CCDC141: variants seen among roughly 807,000 people sequenced by gnomAD.
The protein encoded by CCDC141 is coiled-coil domain-containing protein 141.
A neutral mutation model predicts 181.0 loss-of-function variants in CCDC141; 168 were observed. The ratio of observed to expected loss-of-function variants is 0.93; its 90% CI spans 0.82 to 1.05. The LOEUF (loss-of-function observed/expected upper bound fraction) is 1.05, where lower values mean the gene tolerates loss of function less well. Ranked by LOEUF, CCDC141 falls within the 50% of genes least tolerant of loss-of-function variation. The probability of loss-of-function intolerance (pLI) is 0.00; values close to 1 mark genes in which losing one functional copy is unlikely to be tolerated. For synonymous variants in CCDC141, 666 were observed against 642.3 expected, an observed-to-expected ratio of 1.04 and a Z score of -0.56; for missense variants, 1,902 against 1,788.5, an observed-to-expected ratio of 1.06 and a Z score of -1.14.
intron 6 of CCDC141, among the ~76,000 whole-genome samples, chr2:178,938,778 C>T (rs922386673): frequency 4.6e-5 from 7 of 151,880 alleles, no homozygotes; most frequent in South Asian, 4.2e-4. Flanking sequence ...AAGTGGGGCT[C>T]GCAGGGATGT....
chr2:178,945,702 T>C (rs1689699507), intron 5 of CCDC141, among the ~76,000 whole-genome samples: 1 of 152,176 alleles, frequency 6.6e-6, no homozygotes, highest in African/African-American at 2.4e-5. Context: ...CCTGATACTA[T>C]GTCTTTCCCC....
intron 6 of CCDC141, among the ~76,000 whole-genome samples, chr2:178,928,430 G>A (rs1688986400): frequency 6.6e-6 from 1 of 152,126 alleles, no homozygotes; most frequent in Non-Finnish European, 1.5e-5. Context: ...GTCCTCTCAG[G>A]TGTTCACTTA....
intron 11 of CCDC141, among the ~76,000 whole-genome samples, chr2:178,881,309 T>C (rs1409313922): frequency 1.3e-5 from 2 of 152,174 alleles, no homozygotes; most frequent in Non-Finnish European, 2.9e-5. Context: ...CTGGGGATGA[T>C]GGACATATAC....
rs769278075 is a variant in CCDC141, at chr2:178,834,302, G to T, written c.4464C>A (p.Gly1488=). Residue 1488 remains glycine, a synonymous_variant, in exon 24 of 24, where the codon GGC becomes GGA. Coordinates refer to ENST00000443758, the MANE Select transcript of CCDC141 (RefSeq NM_173648.4). ...LYVARAQNSS[G]ALSSNVILHV... ...GGAGGATGACATTGGAAGAGAGAGC[G>T]CCGCTAGAGTTTTGGGCCCGAGCCA... 1 of 1,535,926 alleles carries T rather than the reference G, an allele frequency of 6.5e-7. No homozygotes were observed. The highest frequency in any genetic ancestry group is 8.7e-7 in the Non-Finnish European group (1 of 1,146,848).
chr2:178,845,770 A>G (rs928408081), intron 21 of CCDC141, 28 bp from the exon 22 acceptor site: 9 of 1,370,726 alleles, frequency 6.6e-6, no homozygotes, highest in Non-Finnish European at 9.4e-6. Context: ...TAGTGAGAGC[A>G]TGAGCCAGGA....
At chr2:178,977,106 A>G (rs577679024) in intron 3 of CCDC141, among the ~76,000 whole-genome samples, 147 of 152,308 alleles carry the variant, frequency 9.7e-4, no homozygotes, top group Non-Finnish European at 1.6e-3. Context: ...ACAAAATTGG[A>G]AACAGGATAA....
intron 6 of CCDC141, among the ~76,000 whole-genome samples, chr2:178,938,613 T>C (rs894925123): frequency 2.6e-5 from 4 of 152,160 alleles, no homozygotes; most frequent in African/African-American, 9.7e-5. Flanking sequence ...ATATATCCAT[T>C]TGGTCCAATG....
At chr2:178,835,744 C>A (rs553349473) in intron 23 of CCDC141, 3 of 152,304 alleles carry the variant, frequency 2.0e-5, no homozygotes, top group Non-Finnish European at 4.4e-5. Flanking sequence ...ACAAGAAACA[C>A]ATCTGACAAC....
chr2:178,820,479 A>G, the CCDC141 span, among the ~76,000 whole-genome samples: 1 of 152,350 alleles, frequency 6.6e-6, no homozygotes, highest in East Asian at 1.9e-4. Flanking sequence ...CCATGAAAAC[A>G]GAAACATGGC....
In CCDC141 at chr2:178,878,101, C is replaced by G; in HGVS notation, c.1762G>C (p.Glu588Gln). 1.2e-6 allele frequency: 2 copies of G among 1,607,712 alleles called. No homozygotes were observed. The highest frequency in any genetic ancestry group is 1.7e-6 in the Non-Finnish European group (2 of 1,178,550). The change falls in exon 12 of 24, where the codon GAA (glutamate) becomes CAA (glutamine). Residue 588 changes from glutamate (E) to glutamine (Q), a missense_variant. Physicochemically the swap from Glu to Gln is conservative, Grantham distance 29. Coordinates refer to ENST00000443758, the MANE Select transcript of CCDC141 (RefSeq NM_173648.4). The stretch of plus-strand genomic sequence containing the variant: ...TCATCCTGCTCCTTCTGAGGGATTT[C>G]GGTTTCATAAAATTCTTTTAAGCTC... ...FQSLKEFYETEIPQKEQDDAK... is the reference protein window; with the variant it reads ...FQSLKEFYETQIPQKEQDDAK...
At chr2:178,983,515 C>G (rs1559026697) in intron 2 of CCDC141, among the ~76,000 whole-genome samples, 1 of 149,276 alleles carries the variant, frequency 6.7e-6, no homozygotes, top group Non-Finnish European at 1.5e-5. Context: ...TCAAATTATT[C>G]TGAGCTACGG....
chr2:179,034,537 A>T (rs1417777534), intron 2 of CCDC141, among the ~76,000 whole-genome samples: 8 of 152,198 alleles, frequency 5.3e-5, no homozygotes, highest in Admixed American at 5.2e-4. Context: ...ATGAGAGCAA[A>T]AGCATCTTTA....
intron 2 of CCDC141, among the ~76,000 whole-genome samples, chr2:179,035,398 G>A (rs991849456): frequency 3.3e-5 from 5 of 151,982 alleles, no homozygotes; most frequent in African/African-American, 1.2e-4. Context: ...GTCCCTATAG[G>A]GTGCTCCTTC....
At chr2:178,923,520 T>C (rs1178737828) in intron 6 of CCDC141, among the ~76,000 whole-genome samples, 1 of 152,198 alleles carries the variant, frequency 6.6e-6, no homozygotes, top group African/African-American at 2.4e-5. Context: ...GAAAATCTCG[T>C]TCTGTTTTCT....
At chr2:178,924,968 CTTT>C (rs1278260894) in intron 6 of CCDC141, among the ~76,000 whole-genome samples, 1 of 152,180 alleles carries the variant, frequency 6.6e-6, no homozygotes, top group East Asian at 1.9e-4. Flanking sequence ...TTGAGCCTTG[CTTT>C]TACTTCAGTG....
intron 2 of CCDC141, among the ~76,000 whole-genome samples, chr2:179,029,510 A>G (rs1369476769): frequency 6.6e-6 from 1 of 152,206 alleles, no homozygotes; most frequent in Non-Finnish European, 1.5e-5. Context: ...TATTGCTTCT[A>G]TAAGTTTTTC....
intron 4 of CCDC141, among the ~76,000 whole-genome samples, chr2:178,964,450 C>A (rs1222262575): frequency 6.6e-6 from 1 of 152,146 alleles, no homozygotes; most frequent in African/African-American, 2.4e-5. Flanking sequence ...AGAATATGAA[C>A]AATTAGCCAA....
chr2:178,916,233 T>C (rs1336807535), intron 7 of CCDC141, among the ~76,000 whole-genome samples: 1 of 152,216 alleles, frequency 6.6e-6, no homozygotes, highest in Non-Finnish European at 1.5e-5. Context: ...ATTCATTATA[T>C]AAACTGAACA....
chr2:178,966,128 G>C (rs1355249081), intron 4 of CCDC141, among the ~76,000 whole-genome samples: 1 of 152,220 alleles, frequency 6.6e-6, no homozygotes, highest in Non-Finnish European at 1.5e-5. Flanking sequence ...CAGGGACTTA[G>C]AAATAAAACT....
Sources: gnomAD v4.1 joint callset for allele counts (sites outside exome capture counted in the v4.1 genomes callset) on GRCh38, gnomAD v4.1.1 for gene constraint, MANE v1.5 for transcripts, NCBI Gene and HGNC (gene_info 2026-07-23, HGNC 2026-07-21) for gene names.